The following GKAP1 variants were observed in gnomAD, a reference collection of about 807,000 sequenced individuals.
GKAP1 encodes the protein G kinase-anchoring protein 1.
Under a neutral mutation model 56.7 loss-of-function variants are expected in GKAP1, and 31 were observed. The ratio of observed to expected loss-of-function variants is 0.55; its 90% confidence interval spans 0.41 to 0.74. The LOEUF (loss-of-function observed/expected upper bound fraction) is 0.74, where lower values mean the gene tolerates loss of function less well. Ranked by LOEUF, GKAP1 falls within the 30% of genes least tolerant of loss-of-function variation. The pLI, the probability that GKAP1 is intolerant of heterozygous loss-of-function variation, is 0.00. For missense variants in GKAP1, 364 were observed against 402.3 expected (o/e 0.90, Z 0.82); for synonymous variants, 151 against 138.6 (o/e 1.09, Z -0.63).
chr9:83,743,722 T>C (rs764486458), intron 10 of GKAP1, among the ~76,000 whole-genome samples: 7 of 152,206 alleles, frequency 4.6e-5, no homozygotes, highest in Non-Finnish European at 1.0e-4. Flanking sequence ...CAATGTCAAC[T>C]AAATGTAGCT....
intron 4 of GKAP1, among the ~76,000 whole-genome samples, chr9:83,791,042 C>T (rs980441560): frequency 9.9e-5 from 15 of 152,174 alleles, no homozygotes; most frequent in African/African-American, 3.4e-4. Context: ...TTTTATTTTT[C>T]ATATTAACTT....
intron 8 of GKAP1, among the ~76,000 whole-genome samples, chr9:83,765,390 G>A (rs1326658795): frequency 2.0e-5 from 3 of 152,232 alleles, no homozygotes; most frequent in Non-Finnish European, 4.4e-5. Flanking sequence ...TGCTAGGGCA[G>A]TGTGGAAGGG....
At chr9:83,774,135 T>G (rs1024494014) in intron 7 of GKAP1, among the ~76,000 whole-genome samples, 4 of 151,760 alleles carry the variant, frequency 2.6e-5, no homozygotes, top group African/African-American at 9.7e-5. Flanking sequence ...CCTCCCAAAG[T>G]GCTGGGATTA....
At chr9:83,783,334 A>G (rs1944009083) in intron 6 of GKAP1, among the ~76,000 whole-genome samples, 1 of 152,208 alleles carries the variant, frequency 6.6e-6, no homozygotes, top group African/African-American at 2.4e-5. Context: ...TGATGATAGT[A>G]ATGTTGTATA....
In GKAP1 at chr9:83,788,459, A is replaced by G. The variant is rs1193017834; in HGVS notation, c.438+142T>C. 13 of 528,370 alleles carry G rather than the reference A, an allele frequency of 2.5e-5. No homozygotes were observed. The East Asian group carries it at 4.0e-4, about 16-fold the overall frequency. 32.7% of individuals were successfully genotyped at this position (528,370 alleles called of 1,614,324 possible). On this transcript the variant is annotated intron_variant, in intron 5 of 12. Transcript: ENST00000376371. ...CTTGAGAAGGAATCCTATTATAAAC[A>G]CTTCTTGGTAATATTTTATTATGGT...
At chr9:83,751,941 T>C (rs1372822155) in intron 9 of GKAP1, among the ~76,000 whole-genome samples, 2 of 152,184 alleles carry the variant, frequency 1.3e-5, no homozygotes, top group Admixed American at 6.5e-5. Flanking sequence ...TGTGGAATTA[T>C]ATAATCCAGC....
At chr9:83,806,846 T>G (rs149044478) in intron 2 of GKAP1, among the ~76,000 whole-genome samples, 132 of 152,312 alleles carry the variant, frequency 8.7e-4, no homozygotes, top group South Asian at 1.9e-3. Context: ...TTCTGAAATA[T>G]ATACATAGTT....
intron 2 of GKAP1, among the ~76,000 whole-genome samples, chr9:83,815,181 A>G (rs993537773): frequency 1.3e-5 from 2 of 152,102 alleles, no homozygotes; most frequent in Non-Finnish European, 2.9e-5. Context: ...AAAAAAATGA[A>G]AAACTAAAGT....
chr9:83,740,993 C>T (rs1199304357), intron 12 of GKAP1, among the ~76,000 whole-genome samples: 1 of 151,990 alleles, frequency 6.6e-6, no homozygotes, highest in Non-Finnish European at 1.5e-5. Context: ...TTTTTTGGAA[C>T]AGGAGATGTG....
At chr9:83,798,327 T>C (rs1216139847) in intron 4 of GKAP1, among the ~76,000 whole-genome samples, 1 of 152,200 alleles carries the variant, frequency 6.6e-6, no homozygotes, top group Non-Finnish European at 1.5e-5. Flanking sequence ...AGGCTTAGTA[T>C]GTTATTTTCC....
intron 3 of GKAP1, among the ~76,000 whole-genome samples, chr9:83,804,304 G>A (rs1159393297): frequency 2.8e-5 from 4 of 144,664 alleles, no homozygotes; most frequent in African/African-American, 1.0e-4. Context: ...AGGTGGGGGG[G>A]TCAGCACCCC....
intron 8 of GKAP1, among the ~76,000 whole-genome samples, chr9:83,763,826 T>C (rs1362376809): frequency 1.3e-5 from 2 of 152,200 alleles, no homozygotes; most frequent in Admixed American, 1.3e-4. Context: ...GAAAGGCAGG[T>C]AATTTCATCC....
At chr9:83,752,142 G>T (rs1943400522) in intron 9 of GKAP1, among the ~76,000 whole-genome samples, 1 of 152,126 alleles carries the variant, frequency 6.6e-6, no homozygotes, top group African/African-American at 2.4e-5. Context: ...AGTGGCTCAC[G>T]CCTGTAACCC....
chr9:83,742,148 C>T lies in GKAP1; in HGVS notation c.976-119G>A, dbSNP rs575895100. The stretch of plus-strand genomic sequence containing the variant: ...TAAATGGATGAGTAACAGAGAAGCT[C>T]CCCCCATAATTTCCATTTGGTATTG... On this transcript the variant is annotated intron_variant, in intron 11 of 12. Transcript: ENST00000376371. 2.4e-4 allele frequency: 161 copies of T among 676,514 alleles called. No homozygotes were observed. In the African/African-American group the frequency reaches 2.4e-3, roughly 10 times the overall value. The allele number at this position is 676,514 out of a possible 1,614,324, so 41.9% of individuals were successfully genotyped here.
At position 83,761,856 on chromosome 9, in the gene GKAP1, C is replaced by T. The variant is rs149264845; in HGVS notation, c.738+6962G>A. 7.2e-5 allele frequency among the ~76,000 whole-genome samples: 11 copies of T among 152,248 alleles called. No individual in the cohort carries two copies. In the East Asian group the frequency reaches 7.7e-4, roughly 11 times the overall value. On this transcript the variant is annotated intron_variant, in intron 8 of 12. Coordinates refer to ENST00000376371, the MANE Select transcript of GKAP1 (RefSeq NM_025211.4). The stretch of plus-strand genomic sequence containing the variant: ...AAAAGCATTTGATAAAATTCAACAT[C>T]GCTTCATGATAAAAACCTTCAAAAA...
At chr9:83,805,648 T>C (rs1483585514) in intron 3 of GKAP1, among the ~76,000 whole-genome samples, 3 of 152,122 alleles carry the variant, frequency 2.0e-5, no homozygotes, top group Non-Finnish European at 4.4e-5. Context: ...GAAGGATATA[T>C]ACATACATGT....
intron 8 of GKAP1, among the ~76,000 whole-genome samples, chr9:83,766,539 A>G (rs1295207636): frequency 6.6e-6 from 1 of 152,216 alleles, no homozygotes; most frequent in African/African-American, 2.4e-5. Flanking sequence ...GCTGCATTAG[A>G]GTAAAAAGTT....
intron 4 of GKAP1, among the ~76,000 whole-genome samples, chr9:83,791,076 T>TTA (rs1944149790): frequency 6.6e-6 from 1 of 152,164 alleles, no homozygotes; most frequent in African/African-American, 2.4e-5. Context: ...GTTAAGGCAG[T>TTA]TCATTCTAAT....
chr9:83,816,053 T>C lies in GKAP1; in HGVS notation c.-44+943A>G, dbSNP rs62561927. ...ATACAAAAAAAAAAAAAAAAAAAAT[T>C]AGCCAGGCGCCTGTAATCCCAGCTA... is the stretch of plus-strand genomic sequence containing the variant. On this transcript the variant is annotated intron_variant, in intron 2 of 12. Coordinates refer to ENST00000376371, the MANE Select transcript of GKAP1 (RefSeq NM_025211.4). Among the ~76,000 whole-genome samples, 9 of 106,612 alleles carry C rather than the reference T, an allele frequency of 8.4e-5. No homozygotes were observed. The South Asian group carries it at 2.7e-3, about 32-fold the overall frequency. 69.9% of individuals were successfully genotyped at this position (106,612 alleles called of 152,430 possible). A position where few individuals can be genotyped will look rare whatever the true frequency, so the allele number is the denominator to read the frequency against.
Sources: gnomAD v4.1 joint callset for allele counts (sites outside exome capture counted in the v4.1 genomes callset) on GRCh38, gnomAD v4.1.1 for gene constraint, MANE v1.5 for transcripts, NCBI Gene and HGNC (gene_info 2026-07-23, HGNC 2026-07-21) for gene names.